TMPRSS11F: variants seen among roughly 807,000 people sequenced by gnomAD.
TMPRSS11F encodes transmembrane protease serine 11F.
A neutral mutation model predicts 60.2 loss-of-function variants in TMPRSS11F; 47 were observed. The observed-to-expected ratio is 0.78, with a 90% CI of 0.62 to 1.00. The LOEUF (loss-of-function observed/expected upper bound fraction) is 1.00, where lower values mean the gene tolerates loss of function less well. Among genes scored for constraint, TMPRSS11F ranks in the 50% least tolerant of loss-of-function variants. The pLI is 0.00. For synonymous variants in TMPRSS11F, 166 were observed against 167.3 expected (o/e 0.99, Z 0.06); for missense variants, 519 against 522.9 (o/e 0.99, Z 0.07).
At chr4:68,102,340 G>C (rs1357767500) in intron 1 of TMPRSS11F, among the ~76,000 whole-genome samples, 1 of 152,144 alleles carries the variant, frequency 6.6e-6, no homozygotes. Context: ...AAGCCCAGAA[G>C]AGAGATTGCT....
chr4:68,112,721 T>C (rs1724430802), intron 1 of TMPRSS11F, among the ~76,000 whole-genome samples: 1 of 152,178 alleles, frequency 6.6e-6, no homozygotes, highest in Non-Finnish European at 1.5e-5. Context: ...AACTCCAGTG[T>C]CTAGCACAGT....
At chr4:68,115,312 G>A (rs188103995) in intron 1 of TMPRSS11F, among the ~76,000 whole-genome samples, 234 of 127,878 alleles carry the variant, frequency 1.8e-3, no homozygotes, top group Middle Eastern at 6.8e-3. Context: ...AGCCGAGATC[G>A]CACCACTGCA....
At chr4:68,092,453 G>C (rs1723963684) in intron 2 of TMPRSS11F, among the ~76,000 whole-genome samples, 1 of 151,938 alleles carries the variant, frequency 6.6e-6, no homozygotes, top group African/African-American at 2.4e-5. Flanking sequence ...AATACATTTT[G>C]TTCATTCAAA....
rs1724391636 is a variant in TMPRSS11F at position 68,110,541 on chromosome 4, C to T, written c.12-11503G>A. On this transcript the variant is annotated intron_variant, in intron 1 of 9. Coordinates refer to ENST00000356291, the MANE Select transcript of TMPRSS11F (RefSeq NM_207407.2). ...TAGTTAGAAGCCCAGATTCTGTAGTCCAGCTGTTCTATTTTAAGTTCCAAC... is the reference window on the plus strand; with the variant it reads ...TAGTTAGAAGCCCAGATTCTGTAGTTCAGCTGTTCTATTTTAAGTTCCAAC... Among the ~76,000 whole-genome samples, 4 of 152,010 alleles carry T rather than the reference C, an allele frequency of 2.6e-5. No homozygotes were observed. In the South Asian group the frequency reaches 8.3e-4, roughly 31 times the overall value.
At chr4:68,065,236 A>T (rs1723300917) in intron 7 of TMPRSS11F, among the ~76,000 whole-genome samples, 1 of 151,594 alleles carries the variant, frequency 6.6e-6, no homozygotes, top group Non-Finnish European at 1.5e-5. Context: ...ATTAATTTTG[A>T]TTTGTTTTGG....
intron 1 of TMPRSS11F, among the ~76,000 whole-genome samples, chr4:68,117,042 A>G (rs1416867514): frequency 6.6e-6 from 1 of 152,232 alleles, no homozygotes; most frequent in African/African-American, 2.4e-5. Context: ...GGAATCAATT[A>G]ACAAATTAAA....
intron 3 of TMPRSS11F, among the ~76,000 whole-genome samples, chr4:68,089,989 T>C (rs888124838): frequency 1.3e-5 from 2 of 152,138 alleles, no homozygotes; most frequent in Admixed American, 6.6e-5. Context: ...GCCTTTCTGC[T>C]ATGACAGTTA....
chr4:68,072,226 A>ATAGATATATATATATATATAT (rs61224244), intron 5 of TMPRSS11F, 97 bp downstream of exon 5: 1 of 79,248 alleles, frequency 1.3e-5, no homozygotes, highest in Non-Finnish European at 2.4e-5. Context: ...TCTTCCAAAA[A>ATAGATATATATATATATATAT]AAAAATATAT....
chr4:68,063,202 G>C, intron 8 of TMPRSS11F: 1 of 593,950 alleles, frequency 1.7e-6, no homozygotes, highest in Non-Finnish European at 3.3e-6. Context: ...ACTGCCTCTG[G>C]AGATACTTTT....
chr4:68,126,940 A>T (rs760252643), intron 1 of TMPRSS11F, among the ~76,000 whole-genome samples: 12 of 152,208 alleles, frequency 7.9e-5, no homozygotes, highest in Non-Finnish European at 1.2e-4. Context: ...AGACGAAACA[A>T]CAAATACGTA....
chr4:68,061,381 C>T (rs1409860248), intron 8 of TMPRSS11F, among the ~76,000 whole-genome samples: 1 of 152,098 alleles, frequency 6.6e-6, no homozygotes, highest in African/African-American at 2.4e-5. Context: ...GAACTTTATC[C>T]GTAAATTTCA....
intron 3 of TMPRSS11F, among the ~76,000 whole-genome samples, chr4:68,083,146 A>C (rs570790903): frequency 6.6e-6 from 1 of 152,286 alleles, no homozygotes; most frequent in Non-Finnish European, 1.5e-5. Flanking sequence ...TCAAAGCATC[A>C]ACAGACCACC....
intron 2 of TMPRSS11F, among the ~76,000 whole-genome samples, chr4:68,091,865 C>A (rs1162855677): frequency 1.3e-5 from 2 of 151,888 alleles, no homozygotes; most frequent in East Asian, 3.9e-4. Flanking sequence ...CAGCTCACTG[C>A]AACCTCCACC....
intron 1 of TMPRSS11F, among the ~76,000 whole-genome samples, chr4:68,107,545 C>A (rs922228114): frequency 6.6e-6 from 1 of 152,034 alleles, no homozygotes; most frequent in Non-Finnish European, 1.5e-5. Context: ...GAGGTAGGAG[C>A]AGACTTGGTG....
intron 1 of TMPRSS11F, among the ~76,000 whole-genome samples, chr4:68,104,651 A>G (rs866275836): frequency 3.3e-5 from 5 of 152,256 alleles, no homozygotes; most frequent in Middle Eastern, 3.4e-3. Flanking sequence ...AGTCTCAGGT[A>G]TTTCTTCATA....
intron 1 of TMPRSS11F, among the ~76,000 whole-genome samples, chr4:68,124,550 T>G (rs1472813670): frequency 6.6e-6 from 1 of 152,218 alleles, no homozygotes; most frequent in Non-Finnish European, 1.5e-5. Context: ...TTAGTTTTTA[T>G]TGATTCATTG....
At chr4:68,104,755 A>G (rs551755167) in intron 1 of TMPRSS11F, among the ~76,000 whole-genome samples, 3 of 152,316 alleles carry the variant, frequency 2.0e-5, no homozygotes, top group South Asian at 2.1e-4. Context: ...GATATTTTCA[A>G]TAAAGATAAT....
intron 1 of TMPRSS11F, among the ~76,000 whole-genome samples, chr4:68,123,669 A>G (rs1340735894): frequency 1.3e-5 from 2 of 152,186 alleles, no homozygotes; most frequent in African/African-American, 4.8e-5. Context: ...ATTATGGAAA[A>G]TGAATGATAA....
intron 8 of TMPRSS11F, among the ~76,000 whole-genome samples, chr4:68,061,509 G>GT (rs1278391565): frequency 5.3e-5 from 8 of 152,202 alleles, no homozygotes; most frequent in African/African-American, 1.9e-4. Flanking sequence ...GTAAATTGAA[G>GT]TAAGAGTGAA....
Sources: allele counts gnomAD v4.1 joint callset (sites outside exome capture counted in the v4.1 genomes callset), GRCh38; gene constraint gnomAD v4.1.1; transcripts MANE v1.5; gene names NCBI Gene and HGNC (gene_info 2026-07-23, HGNC 2026-07-21).